Variants in PREX1 observed in about 807,000 individuals in gnomAD.
The protein encoded by PREX1 is phosphatidylinositol 3,4,5-trisphosphate-dependent Rac exchanger 1 protein.
Under a neutral mutation model 198.3 loss-of-function variants are expected in PREX1, and 41 were observed. That is an observed-to-expected ratio of 0.21 (90% CI 0.16 to 0.27). The LOEUF (loss-of-function observed/expected upper bound fraction) is 0.27, where lower values mean the gene tolerates loss of function less well. PREX1 is among the 10% of genes least tolerant of loss of function. The probability of loss-of-function intolerance (pLI) is 1.00; values close to 1 mark genes in which losing one functional copy is unlikely to be tolerated. For missense variants in PREX1, 1,620 were observed against 2,200.7 expected, an observed-to-expected ratio of 0.74 and a Z score of 5.28; for synonymous variants, 843 against 887.2, an observed-to-expected ratio of 0.95 and a Z score of 0.89.
At chr20:48,721,964 G>A (rs1287395236) in intron 5 of PREX1, among the ~76,000 whole-genome samples, 1 of 152,122 alleles carries the variant, frequency 6.6e-6, no homozygotes, top group Non-Finnish European at 1.5e-5. Flanking sequence ...GCTGGGGATG[G>A]AGGGGGTGGT....
rs537078962 is a variant in PREX1 at position 48,684,436 on chromosome 20, G to A, written c.1335-3101C>T. 2.0e-5 allele frequency among the ~76,000 whole-genome samples: 3 copies of A among 152,216 alleles called. No homozygotes were observed. Among genetic ancestry groups the A allele is most frequent in the South Asian group, 2.1e-4 (1 of 4,826 alleles). Reference sequence around the variant, plus strand: ...TGGACAAATCCTTACCGACCCTCTCGTGCACACTAACACCCTGCACCTGTG... The same window carrying A: ...TGGACAAATCCTTACCGACCCTCTCATGCACACTAACACCCTGCACCTGTG... On this transcript the variant is annotated intron_variant, in intron 10 of 39. Transcript: ENST00000371941. The surrounding 1 kb of genome is among the most constrained non-coding windows in gnomAD (Gnocchi z 4.2).
the PREX1 span, among the ~76,000 whole-genome samples, chr20:48,869,132 C>A: frequency 6.6e-6 from 1 of 152,104 alleles, no homozygotes; most frequent in Non-Finnish European, 1.5e-5. Context: ...GCCTTGACCT[C>A]CTAAAATGCT....
intron 25 of PREX1, among the ~76,000 whole-genome samples, chr20:48,647,561 C>T (rs1277628704): frequency 6.7e-6 from 1 of 150,024 alleles, no homozygotes; most frequent in Non-Finnish European, 1.5e-5. Context: ...CTCGTGCCTT[C>T]TAAGTGAGCA....
Position 48,708,440 on chromosome 20 carries a change from G to A in PREX1, c.622-19C>T, listed in dbSNP as rs567209076. ...CCAGCTCCTGGGGTAGAATAGAGGT[G>A]GGGAGAAGAAAGCAAGACATCAATC... On this transcript the variant is annotated intron_variant, in intron 5 of 39. Transcript: ENST00000371941. 8.1e-6 allele frequency: 13 copies of A among 1,612,592 alleles called. No homozygotes were observed. The highest frequency in any genetic ancestry group is 3.3e-4 in the Middle Eastern group (2 of 6,054).
intron 10 of PREX1, among the ~76,000 whole-genome samples, chr20:48,686,779 T>TA (rs1265147452): frequency 6.6e-6 from 1 of 152,212 alleles, no homozygotes; most frequent in African/African-American, 2.4e-5. Context: ...AACAGGGCAA[T>TA]AGAGTCCATG....
At chr20:48,630,924 G>A (rs1435486156) in intron 35 of PREX1, 130 bp from the exon 36 acceptor site, 8 of 700,258 alleles carry the variant, frequency 1.1e-5, no homozygotes, top group Non-Finnish European at 2.0e-5. Context: ...ATCCCTGAGA[G>A]CGCCTGCAGG....
chr20:48,834,348 T>C, the PREX1 span, among the ~76,000 whole-genome samples: 1 of 152,184 alleles, frequency 6.6e-6, no homozygotes, highest in African/African-American at 2.4e-5. Flanking sequence ...GACACACATT[T>C]ATATGTCTGG....
At chr20:48,635,786 C>T (rs1164744301) in intron 32 of PREX1, among the ~76,000 whole-genome samples, 4 of 152,242 alleles carry the variant, frequency 2.6e-5, no homozygotes, top group Non-Finnish European at 4.4e-5. Flanking sequence ...CAGCTCCCAG[C>T]TCAGGGCCTG....
At chr20:48,694,979 A>G (rs2089838006) in intron 7 of PREX1, among the ~76,000 whole-genome samples, 1 of 152,230 alleles carries the variant, frequency 6.6e-6, no homozygotes, top group Non-Finnish European at 1.5e-5. Context: ...ACACACACAT[A>G]TAAACATATA....
the PREX1 span, among the ~76,000 whole-genome samples, chr20:48,888,022 C>T: frequency 6.6e-6 from 1 of 152,248 alleles, no homozygotes; most frequent in African/African-American, 2.4e-5. Flanking sequence ...CTGTGGGTCA[C>T]ACCTGTTGTA....
chr20:48,692,668 C>T lies in PREX1; in HGVS notation c.1036+4G>A. The stretch of plus-strand genomic sequence containing the variant: ...GGCTCAGGCAAGGCTGGGGGAGGGG[C>T]TACCTGTCCCATCTTCCACATTCTC... On this transcript the variant is annotated splice_donor_region_variant and intron_variant, in intron 8 of 39. Transcript: ENST00000371941. The T allele has an allele frequency of 6.2e-7, 1 of 1,612,334 alleles. No individual in the cohort carries two copies. The highest frequency in any genetic ancestry group is 8.5e-7 in the Non-Finnish European group (1 of 1,178,444).
At chr20:48,663,987 G>A (rs375029788) in intron 15 of PREX1, among the ~76,000 whole-genome samples, 1 of 152,136 alleles carries the variant, frequency 6.6e-6, no homozygotes, top group Non-Finnish European at 1.5e-5. Flanking sequence ...CACGGTGCCT[G>A]GAACACCAAA....
At chr20:48,632,732 GC>G in intron 33 of PREX1, 93 bp from the exon 34 acceptor site, 2 of 1,450,958 alleles carry the variant, frequency 1.4e-6, no homozygotes, top group Non-Finnish European at 9.5e-7. Context: ...GCACCTCCCT[GC>G]CCCCAGGTCC....
At chr20:48,803,598 G>A (rs532242606) in intron 1 of PREX1, among the ~76,000 whole-genome samples, 4 of 152,170 alleles carry the variant, frequency 2.6e-5, no homozygotes, top group East Asian at 3.9e-4. Context: ...GGCCACACAC[G>A]CCAAAAACAG....
chr20:48,653,621 C>A, intron 19 of PREX1, 124 bp from the exon 20 acceptor site: 1 of 1,261,538 alleles, frequency 7.9e-7, no homozygotes, highest in Non-Finnish European at 1.1e-6. Context: ...TCCACCCCTC[C>A]CACCCCAGAG....
At chr20:48,798,669 G>A (rs1461226149) in intron 1 of PREX1, among the ~76,000 whole-genome samples, 5 of 152,318 alleles carry the variant, frequency 3.3e-5, no homozygotes, top group East Asian at 3.9e-4. Context: ...ATTCTGCTGC[G>A]GTGGATGTGA....
intron 1 of PREX1, among the ~76,000 whole-genome samples, chr20:48,814,916 C>A (rs1345887954): frequency 1.3e-5 from 2 of 151,888 alleles, no homozygotes; most frequent in African/African-American, 4.8e-5. Context: ...AGGAGATGCA[C>A]TTGGAATATA....
At chr20:48,726,231 T>G in intron 5 of PREX1, 59 bp downstream of exon 5, 1 of 1,446,106 alleles carries the variant, frequency 6.9e-7, no homozygotes, top group South Asian at 1.2e-5. Flanking sequence ...AACTAACAAA[T>G]TTTATGTTAT....
At chr20:48,670,285 T>C (rs921460512) in intron 14 of PREX1, among the ~76,000 whole-genome samples, 1 of 151,988 alleles carries the variant, frequency 6.6e-6, no homozygotes, top group African/African-American at 2.4e-5. Flanking sequence ...CCGCCTCTCC[T>C]ACCCCAACCC....
Sources: gnomAD v4.1 joint callset for allele counts (sites outside exome capture counted in the v4.1 genomes callset) on GRCh38, gnomAD v4.1.1 for gene constraint, Gnocchi (gnomAD v3.1) non-coding constraint, MANE v1.5 for transcripts, NCBI Gene and HGNC (gene_info 2026-07-23, HGNC 2026-07-21) for gene names.